EZH2: variants seen among roughly 807,000 people sequenced by gnomAD.
EZH2 encodes the protein enhancer of zeste 2 polycomb repressive complex 2 subunit.
A neutral mutation model predicts 98.4 loss-of-function variants in EZH2; 18 were observed. That is an observed-to-expected ratio of 0.18 (90% confidence interval 0.13 to 0.27). The LOEUF is 0.27. EZH2 is among the 10% of genes least tolerant of loss of function. The pLI is 1.00. For synonymous variants in EZH2, 338 were observed against 312.3 expected (o/e 1.08, Z -0.87); for missense variants, 470 against 935.1 (o/e 0.50, Z 6.49).
At chr7:148,814,880 C>A in intron 14 of EZH2, 34 bp downstream of exon 14, 2 of 1,603,384 alleles carry the variant, frequency 1.2e-6, no homozygotes, top group South Asian at 1.1e-5. Flanking sequence ...CTATTTAGTT[C>A]TCATGCAATT....
At chr7:148,820,486 T>C (rs1360485313) in intron 8 of EZH2, among the ~76,000 whole-genome samples, 1 of 151,188 alleles carries the variant, frequency 6.6e-6, no homozygotes, top group Admixed American at 6.6e-5. Flanking sequence ...AAGTGACATT[T>C]CCACAAAACA....
In EZH2 at chr7:148,815,033, G is replaced by A. The variant is rs1348759539; in HGVS notation, c.1553C>T (p.Ser518Phe). 7 of 1,613,584 alleles carry A rather than the reference G, an allele frequency of 4.3e-6. No individual in the cohort carries two copies. The highest frequency in any genetic ancestry group is 1.3e-5 in the African/African-American group (1 of 74,914). Reference sequence around the variant, plus strand: ...TTGATAGTTGTAAACATGGTTAGAGGAGCCGTCTGAGTAAAGATAACATCA... The same window carrying A: ...TTGATAGTTGTAAACATGGTTAGAGAAGCCGTCTGAGTAAAGATAACATCA... ...CRKIQLKKDGSSNHVYNYQPC... is the reference protein window; with the variant it reads ...CRKIQLKKDGFSNHVYNYQPC... The change falls in exon 14 of 20, where the codon TCC (serine) becomes TTC (phenylalanine). Residue 518 changes from serine (S) to phenylalanine (F), a missense_variant. This residue lies in a region of EZH2 where 106 missense variants were observed against 327.2 expected (regional missense o/e 0.32). Transcript: ENST00000320356.
At chr7:148,839,115 G>GAGCA (rs1811747714) in intron 3 of EZH2, among the ~76,000 whole-genome samples, 1 of 102,384 alleles carries the variant, frequency 9.8e-6, no homozygotes, top group Non-Finnish European at 2.0e-5. Context: ...GAAAGTGAGT[G>GAGCA]AGCAAGATGG....
At chr7:148,872,335 A>G (rs1819537803) in intron 1 of EZH2, among the ~76,000 whole-genome samples, 1 of 152,028 alleles carries the variant, frequency 6.6e-6, no homozygotes, top group African/African-American at 2.4e-5. Context: ...ATTTGGGGGG[A>G]GGGGGAAGTG....
chr7:148,866,705 C>CAT (rs144369497), intron 1 of EZH2, among the ~76,000 whole-genome samples: 2,768 of 143,810 alleles, frequency 0.019, 71 homozygotes, highest in African/African-American at 0.062. Context: ...TACATATATG[C>CAT]ATATATATAT....
Position 148,828,792 on chromosome 7 carries a change from G to A in EZH2, c.573C>T (p.Asp191=), listed in dbSNP as rs377682721. 5.8e-5 allele frequency: 93 copies of A among 1,613,376 alleles called. No individual in the cohort carries two copies. The highest frequency in any genetic ancestry group is 1.7e-4 in the Middle Eastern group (1 of 6,060). ...YNDDDDDDDG[D]DPEEREEKQK... Reference sequence around the variant, plus strand: ...GCTTTTCTTCTCTTTCTTCAGGATCGTCTCCATCATCATCATCGTCATCAT... The same window carrying A: ...GCTTTTCTTCTCTTTCTTCAGGATCATCTCCATCATCATCATCGTCATCAT... Residue 191 remains aspartate, a synonymous_variant, in exon 6 of 20, where the codon GAC becomes GAT. Transcript: ENST00000320356.
Position 148,828,715 on chromosome 7 carries a change from A to G in EZH2, c.625+25T>C, listed in dbSNP as rs199615002. ...TTTGAAAGAAAGCTGTAATGGCTAC[A>G]CAGAATCCTAATAATCAGGCATACC... On this transcript the variant is annotated intron_variant, in intron 6 of 19. Transcript: ENST00000320356. The G allele has an allele frequency of 8.8e-5, 142 of 1,606,982 alleles. No homozygotes were observed. In the East Asian group the frequency reaches 3.1e-3, roughly 36 times the overall value.
chr7:148,834,264 A>C (rs1478141549), intron 3 of EZH2, among the ~76,000 whole-genome samples: 1 of 152,060 alleles, frequency 6.6e-6, no homozygotes, highest in Non-Finnish European at 1.5e-5. Flanking sequence ...AATATCCTAG[A>C]CATACATTCA....
chr7:148,850,476 T>C (rs1048977185), intron 1 of EZH2: 2 of 965,754 alleles, frequency 2.1e-6, no homozygotes, highest in African/African-American at 1.8e-5. Context: ...ATCATGAAAA[T>C]CTACAGCATC....
intron 3 of EZH2, 102 bp downstream of exon 3, chr7:148,846,368 A>T: frequency 7.8e-7 from 1 of 1,281,880 alleles, no homozygotes; most frequent in Non-Finnish European, 1.1e-6. Flanking sequence ...AAAAAGATGG[A>T]CACCCTGAGG....
chr7:148,868,979 A>T (rs1371801370), intron 1 of EZH2, among the ~76,000 whole-genome samples: 1 of 152,248 alleles, frequency 6.6e-6, no homozygotes, highest in Non-Finnish European at 1.5e-5. Flanking sequence ...CTATAAGAAA[A>T]ATTGGGTAAA....
intron 15 of EZH2, among the ~76,000 whole-genome samples, chr7:148,812,450 A>G (rs1305169684): frequency 6.6e-6 from 1 of 152,182 alleles, no homozygotes; most frequent in East Asian, 1.9e-4. Context: ...TGACCTTTAC[A>G]AAGGCTTCCT....
intron 8 of EZH2, among the ~76,000 whole-genome samples, chr7:148,821,595 T>G (rs1486223407): frequency 2.0e-5 from 3 of 151,956 alleles, no homozygotes; most frequent in African/African-American, 7.3e-5. Context: ...GAGCCCAAAG[T>G]AGGAGCATCA....
chr7:148,837,638 T>C (rs761290943), intron 3 of EZH2, among the ~76,000 whole-genome samples: 8 of 152,126 alleles, frequency 5.3e-5, no homozygotes, highest in Non-Finnish European at 1.0e-4. Flanking sequence ...AGAAGCTCAA[T>C]AATGGAAGTG....
intron 1 of EZH2, among the ~76,000 whole-genome samples, chr7:148,848,093 C>T (rs562353891): frequency 6.6e-6 from 1 of 152,266 alleles, no homozygotes; most frequent in Admixed American, 6.5e-5. Flanking sequence ...AACATTTTCT[C>T]CTAAAGTATT....
rs924758768 is a variant in EZH2, at chr7:148,810,896, CAAAAAA to C, written c.1948-488_1948-483del. Among the ~76,000 whole-genome samples, 417 of 43,658 alleles carry C rather than the reference CAAAAAA, an allele frequency of 9.6e-3. 1 individual carries two copies. Among genetic ancestry groups the C allele is most frequent in the Non-Finnish European group, 0.015 (323 of 21,538 alleles). 28.6% of individuals were successfully genotyped at this position (43,658 alleles called of 152,430 possible). A position where few individuals can be genotyped will look rare whatever the true frequency, so the allele number is the denominator to read the frequency against. ...GGGCAACAAGAGCGAAACTCTGTCT[CAAAAAA>C]AAAAAAAAAAAAAAAAAAAATTTGG... On this transcript the variant is annotated intron_variant, in intron 16 of 19. Transcript: ENST00000320356.
chr7:148,822,884 G>C (rs1308533577), intron 8 of EZH2, among the ~76,000 whole-genome samples: 1 of 151,004 alleles, frequency 6.6e-6, no homozygotes, highest in Non-Finnish European at 1.5e-5. Context: ...AGAGGTCGCC[G>C]TGAGCCAAGA....
chr7:148,871,913 CCA>C (rs1819472757), intron 1 of EZH2, among the ~76,000 whole-genome samples: 1 of 152,072 alleles, frequency 6.6e-6, no homozygotes, highest in Admixed American at 6.6e-5. Context: ...TGAAAAAAAT[CCA>C]CTTATAGATG....
intron 1 of EZH2, among the ~76,000 whole-genome samples, chr7:148,855,861 G>C (rs1474746434): frequency 7.8e-6 from 1 of 128,152 alleles, no homozygotes; most frequent in Non-Finnish European, 1.5e-5. Flanking sequence ...ACACGTCACT[G>C]CACTCCAGCC....
Sources: allele counts gnomAD v4.1 joint callset (sites outside exome capture counted in the v4.1 genomes callset), GRCh38; gene constraint gnomAD v4.1.1; regional missense constraint gnomAD v4.1.1; transcripts MANE v1.5; gene names NCBI Gene and HGNC (gene_info 2026-07-23, HGNC 2026-07-21).